Variants in RAB40B observed in about 807,000 individuals in gnomAD.
The protein encoded by RAB40B is RAB40B, member RAS oncogene family.
Under a neutral mutation model 24.0 loss-of-function variants are expected in RAB40B, and 21 were observed. The observed-to-expected ratio is 0.88, with a 90% CI of 0.62 to 1.26. The LOEUF (loss-of-function observed/expected upper bound fraction) is 1.26. Ranked by LOEUF, RAB40B falls within the 50% of genes most tolerant of loss-of-function variation. The probability of loss-of-function intolerance (pLI) is 0.00; values close to 1 mark genes in which losing one functional copy is unlikely to be tolerated. For missense variants in RAB40B, 348 were observed against 390.5 expected, an observed-to-expected ratio of 0.89 and a Z score of 0.92; for synonymous variants, 167 against 169.8, an observed-to-expected ratio of 0.98 and a Z score of 0.13.
chr17:82,695,181 C>T (rs932658585), intron 1 of RAB40B, among the ~76,000 whole-genome samples: 1 of 148,390 alleles, frequency 6.7e-6, no homozygotes, highest in East Asian at 2.0e-4. Context: ...CCTCATCTTT[C>T]TTTCTTTCTT....
chr17:82,673,548 C>G (rs951331392), intron 1 of RAB40B, among the ~76,000 whole-genome samples: 1 of 152,206 alleles, frequency 6.6e-6, no homozygotes, highest in African/African-American at 2.4e-5. Context: ...TGTCTTTAGG[C>G]TGCCCTCACT....
In RAB40B at chr17:82,657,604, A is replaced by C. The variant is rs1034098334; in HGVS notation, c.*259T>G. 1.2e-5 allele frequency: 7 copies of C among 592,488 alleles called. No homozygotes were observed. In the African/African-American group the frequency reaches 1.3e-4, roughly 11 times the overall value. The allele number at this position is 592,488 out of a possible 1,614,324, so 36.7% of individuals were successfully genotyped here. On this transcript the variant is annotated 3_prime_UTR_variant, in exon 6 of 6. Transcript: ENST00000571995. Reference sequence around the variant, plus strand: ...CAATCATGATAAAGTAACATTCAGAATTTCATGTTACCAAGAGTCGAGCAG... The same window carrying C: ...CAATCATGATAAAGTAACATTCAGACTTTCATGTTACCAAGAGTCGAGCAG...
At chr17:82,671,600 C>T (rs1361252897) in intron 1 of RAB40B, among the ~76,000 whole-genome samples, 11 of 142,964 alleles carry the variant, frequency 7.7e-5, no homozygotes, top group African/African-American at 2.6e-4. Context: ...CACTCACATG[C>T]TCCCTGTACC....
chr17:82,659,318 AC>A, intron 4 of RAB40B: 1 of 489,390 alleles, frequency 2.0e-6, no homozygotes. Flanking sequence ...GCCAAACCTG[AC>A]CCCACGCATA....
intron 5 of RAB40B, 44 bp downstream of exon 5, chr17:82,658,447 A>G (rs778941916): frequency 1.3e-6 from 2 of 1,595,450 alleles, no homozygotes; most frequent in Admixed American, 3.4e-5. Context: ...CCACCTCGGC[A>G]TCTGGAGGGC....
At chr17:82,672,166 ACT>A (rs2046345796) in intron 1 of RAB40B, among the ~76,000 whole-genome samples, 1 of 146,958 alleles carries the variant, frequency 6.8e-6, no homozygotes, top group Non-Finnish European at 1.5e-5. Flanking sequence ...CACCCCTGTA[ACT>A]CTAACACACA....
At chr17:82,664,373 C>G (rs1372820387) in intron 2 of RAB40B, 123 bp downstream of exon 2, 2 of 791,114 alleles carry the variant, frequency 2.5e-6, no homozygotes, top group East Asian at 6.1e-5. Context: ...TTCCCGGGGG[C>G]GCTGTGCCGA....
intron 1 of RAB40B, among the ~76,000 whole-genome samples, chr17:82,674,725 T>C (rs985295995): frequency 6.6e-6 from 1 of 152,008 alleles, no homozygotes; most frequent in African/African-American, 2.4e-5. Context: ...GGGGCCTCCT[T>C]GTCACCTGCG....
At chr17:82,669,508 C>T (rs1487282410) in intron 1 of RAB40B, among the ~76,000 whole-genome samples, 1 of 151,862 alleles carries the variant, frequency 6.6e-6, no homozygotes, top group Non-Finnish European at 1.5e-5. Flanking sequence ...AAAAAATTGG[C>T]CAATCATGGT....
At chr17:82,674,570 C>T (rs1323038182) in intron 1 of RAB40B, among the ~76,000 whole-genome samples, 2 of 148,638 alleles carry the variant, frequency 1.3e-5, no homozygotes, top group Non-Finnish European at 1.5e-5. Context: ...ACCCAGGAGG[C>T]GGAGCTTGCA....
chr17:82,657,912 G>A lies in RAB40B; in HGVS notation c.788C>T (p.Pro263Leu), dbSNP rs34189304. 9 of 1,612,698 alleles carry A rather than the reference G, an allele frequency of 5.6e-6. No individual in the cohort carries two copies. The highest frequency in any genetic ancestry group is 1.3e-5 in the African/African-American group (1 of 74,930). The change falls in exon 6 of 6, where the codon CCC becomes CTC. Residue 263 changes from proline to leucine, a missense_variant. Physicochemically the swap from Pro to Leu is moderately conservative, Grantham distance 98. Around this residue, in one of 3 missense-constraint regions of RAB40B, gnomAD observed 121 missense variants for 124.0 expected, o/e 0.98. Coordinates refer to ENST00000571995, the MANE Select transcript of RAB40B (RefSeq NM_006822.3). Reference sequence around the variant, plus strand: ...GGTGCAGTTTTTGGGGGGGCTCTGGGGGGGGCGGACGAGCTTCACTTTGCG... The same window carrying A: ...GGTGCAGTTTTTGGGGGGGCTCTGGAGGGGGCGGACGAGCTTCACTTTGCG... ...SLRKVKLVRP[P>L]QSPPKNCTRN...
At position 82,672,883 on chromosome 17, in the gene RAB40B, G is replaced by A. The variant is rs146119458; in HGVS notation, c.143-8327C>T. Among the ~76,000 whole-genome samples, 358 of 152,212 alleles carry A rather than the reference G, an allele frequency of 2.4e-3. 3 individuals carry two copies. The highest frequency in any genetic ancestry group is 7.9e-3 in the African/African-American group (330 of 41,516). On this transcript the variant is annotated intron_variant, in intron 1 of 5. Transcript: ENST00000571995. ...CAATGTTTATTTTTCCTTCATGTAC[G>A]AATTTTTGTTTCTACTGGAGTTAAA...
At chr17:82,698,105 G>A (rs1345381935) in intron 1 of RAB40B, among the ~76,000 whole-genome samples, 1 of 152,022 alleles carries the variant, frequency 6.6e-6, no homozygotes, top group Non-Finnish European at 1.5e-5. Flanking sequence ...CCCAGGTCGG[G>A]AGGAGCCCAG....
rs1336765505 is a variant in RAB40B, at chr17:82,675,186, C to T, written c.143-10630G>A. Among the ~76,000 whole-genome samples, 1 of 152,212 alleles carries T rather than the reference C, an allele frequency of 6.6e-6. No individual in the cohort carries two copies. The highest frequency in any genetic ancestry group is 1.5e-5 in the Non-Finnish European group (1 of 68,048). On this transcript the variant is annotated intron_variant, in intron 1 of 5. Coordinates refer to ENST00000571995, the MANE Select transcript of RAB40B (RefSeq NM_006822.3). The surrounding 1 kb of genome is among the most constrained non-coding windows in gnomAD (Gnocchi z 4.5). The stretch of plus-strand genomic sequence containing the variant: ...CCTCCACATCCCGGAATTTCACTAA[C>T]AATAAACAAGAACTGGAAATAAAAT...
At chr17:82,680,166 G>A (rs952449457) in intron 1 of RAB40B, among the ~76,000 whole-genome samples, 8 of 152,214 alleles carry the variant, frequency 5.3e-5, no homozygotes, top group East Asian at 1.9e-4. Flanking sequence ...AGGCGGGCCC[G>A]GGCTCTCAGG....
chr17:82,685,644 C>G (rs1252099450), intron 1 of RAB40B, among the ~76,000 whole-genome samples: 1 of 152,166 alleles, frequency 6.6e-6, no homozygotes, highest in East Asian at 1.9e-4. Flanking sequence ...AGAGGGGACC[C>G]ACAGGGTCCC....
chr17:82,690,763 G>A (rs2046549695), intron 1 of RAB40B, among the ~76,000 whole-genome samples: 1 of 149,140 alleles, frequency 6.7e-6, no homozygotes, highest in Non-Finnish European at 1.5e-5. Flanking sequence ...GTGTCCAGGG[G>A]AAGATCTGCA....
At chr17:82,673,746 T>C (rs1311918417) in intron 1 of RAB40B, among the ~76,000 whole-genome samples, 2 of 152,216 alleles carry the variant, frequency 1.3e-5, no homozygotes, top group African/African-American at 4.8e-5. Context: ...TGGGCCTTGC[T>C]GTAGGGATCT....
At chr17:82,676,559 G>A (rs1452533177) in intron 1 of RAB40B, among the ~76,000 whole-genome samples, 11 of 151,778 alleles carry the variant, frequency 7.2e-5, no homozygotes, top group Admixed American at 5.9e-4. Flanking sequence ...TTTGCATTCG[G>A]ATGGGTCCTG....
Sources: gnomAD v4.1 joint callset for allele counts (sites outside exome capture counted in the v4.1 genomes callset) on GRCh38, gnomAD v4.1.1 for gene constraint, gnomAD v4.1.1 regional missense constraint, Gnocchi (gnomAD v3.1) non-coding constraint, MANE v1.5 for transcripts, NCBI Gene and HGNC (gene_info 2026-07-23, HGNC 2026-07-21) for gene names.